PURG: variants seen among roughly 807,000 people sequenced by gnomAD.
PURG encodes purine-rich element-binding protein gamma.
A neutral mutation model predicts 24.3 loss-of-function variants in PURG; 3 were observed. The ratio of observed to expected loss-of-function variants is 0.12; its 90% confidence interval spans 0.06 to 0.32. PURG has a LOEUF of 0.32. PURG is among the 10% of genes least tolerant of loss of function. The probability of loss-of-function intolerance (pLI) is 1.00; values close to 1 mark genes in which losing one functional copy is unlikely to be tolerated. For synonymous variants in PURG, 180 were observed against 173.1 expected (o/e 1.04, Z -0.31); for missense variants, 371 against 439.1 (o/e 0.84, Z 1.39).
At chr8:30,999,436 G>GA (rs1392354624) in intron 1 of PURG, among the ~76,000 whole-genome samples, 2 of 151,976 alleles carry the variant, frequency 1.3e-5, no homozygotes, top group South Asian at 4.1e-4. Flanking sequence ...AATTAGGATA[G>GA]AGGAGGAAAG....
chr8:31,007,128 G>C (rs1250731854), intron 1 of PURG, among the ~76,000 whole-genome samples: 2 of 152,124 alleles, frequency 1.3e-5, no homozygotes, highest in Non-Finnish European at 2.9e-5. Context: ...ACAATAAAAA[G>C]TTTTGGGATC....
chr8:30,999,459 G>A (rs766428285), intron 1 of PURG, among the ~76,000 whole-genome samples: 28 of 151,832 alleles, frequency 1.8e-4, no homozygotes, highest in Non-Finnish European at 2.4e-4. Flanking sequence ...AAAACTCATT[G>A]CAAAGAATAG....
chr8:31,016,581 C>CAAAAAAAAAACAAAA (rs1810871819), intron 1 of PURG, among the ~76,000 whole-genome samples: 1 of 57,532 alleles, frequency 1.7e-5, no homozygotes, highest in Non-Finnish European at 3.0e-5. Flanking sequence ...TACCAAGAAC[C>CAAAAAAAAAACAAAA]AAAAAAAAAA....
rs1050709405 is a variant in PURG, at chr8:30,998,005, A to G, written c.865-1308T>C. On this transcript the variant is annotated intron_variant, in intron 1 of 1. Coordinates refer to the PURG transcript ENST00000339382. Reference sequence around the variant, plus strand: ...ACTAAAAAATCTCAACTAAAACAAAATTGAATTATAATGGACTGGCTTAAT... The same window carrying G: ...ACTAAAAAATCTCAACTAAAACAAAGTTGAATTATAATGGACTGGCTTAAT... 2.6e-5 allele frequency among the ~76,000 whole-genome samples: 4 copies of G among 151,826 alleles called. 1 individual carries two copies. The highest frequency in any genetic ancestry group is 1.3e-4 in the Admixed American group (2 of 15,232).
chr8:31,018,702 G>C (rs142449121), intron 1 of PURG, among the ~76,000 whole-genome samples: 1 of 152,098 alleles, frequency 6.6e-6, no homozygotes, highest in Non-Finnish European at 1.5e-5. Context: ...GTGTTCTGGA[G>C]TGCTAATCAT....
At chr8:31,018,898 C>T (rs906893483) in intron 1 of PURG, among the ~76,000 whole-genome samples, 27 of 151,114 alleles carry the variant, frequency 1.8e-4, no homozygotes, top group Non-Finnish European at 2.9e-4. Flanking sequence ...GAGGCTGAGG[C>T]GGGCGGATCA....
chr8:31,006,121 G>A (rs140812572), intron 1 of PURG, among the ~76,000 whole-genome samples: 108 of 152,194 alleles, frequency 7.1e-4, no homozygotes, highest in African/African-American at 2.6e-3. Context: ...CTTTAAAGAG[G>A]TTACATTCAG....
chr8:31,007,478 C>T (rs983979634), intron 1 of PURG, among the ~76,000 whole-genome samples: 4 of 152,026 alleles, frequency 2.6e-5, no homozygotes, highest in African/African-American at 7.2e-5. Flanking sequence ...GAAAACTCTT[C>T]GAGTTGAAGG....
intron 1 of PURG, among the ~76,000 whole-genome samples, chr8:31,003,676 C>T (rs62506068): frequency 0.017 from 2,625 of 152,110 alleles, 46 homozygotes; most frequent in Middle Eastern, 0.027. Context: ...GCAAAAGAAT[C>T]GCTTGAACCT....
Position 31,018,508 on chromosome 8 carries a change from C to T in PURG, c.864+13411G>A, listed in dbSNP as rs1810916787. 2.0e-5 allele frequency among the ~76,000 whole-genome samples: 3 copies of T among 152,282 alleles called. No homozygotes were observed. The South Asian group carries it at 6.2e-4, about 32-fold the overall frequency. ...TACTATAAATTTATTCTGCCTGAAG[C>T]CTACTCAAAGTATAATTCTAACACT... On this transcript the variant is annotated intron_variant, in intron 1 of 1. Coordinates refer to the PURG transcript ENST00000339382.
intron 1 of PURG, among the ~76,000 whole-genome samples, chr8:31,014,007 A>AT (rs1221504443): frequency 1.3e-5 from 2 of 152,142 alleles, no homozygotes; most frequent in Admixed American, 6.5e-5. Context: ...CTCAAGGAGT[A>AT]TTTTTTCTCC....
chr8:31,014,024 AT>A (rs1451845961), intron 1 of PURG, among the ~76,000 whole-genome samples: 1 of 152,222 alleles, frequency 6.6e-6, no homozygotes, highest in Non-Finnish European at 1.5e-5. Context: ...CTCCCAGAAA[AT>A]ATTTCTAATT....
chr8:31,008,804 G>T (rs1810705985), intron 1 of PURG, among the ~76,000 whole-genome samples: 1 of 152,108 alleles, frequency 6.6e-6, no homozygotes, highest in African/African-American at 2.4e-5. Context: ...CACAATAAAT[G>T]ACAGAATTTG....
At chr8:31,001,833 C>T (rs1679980508) in intron 1 of PURG, among the ~76,000 whole-genome samples, 1 of 152,068 alleles carries the variant, frequency 6.6e-6, no homozygotes, top group Non-Finnish European at 1.5e-5. Context: ...ACTCTTGAAT[C>T]GGGTAGTATT....
chr8:31,026,661 T>C (rs1340264900), downstream of PURG, among the ~76,000 whole-genome samples: 1 of 144,508 alleles, frequency 6.9e-6, no homozygotes, highest in African/African-American at 2.5e-5. Flanking sequence ...TATATATATA[T>C]ACATACACAT....
chr8:31,024,457 G>T lies in PURG; in HGVS notation c.864+7462C>A, dbSNP rs183640460. On this transcript the variant is annotated intron_variant, in intron 1 of 1. Transcript: ENST00000339382. ...TCAGGCCGCACCTTGGCAGAATTACGTCTTATTATTCTTTCTCAAATGCTC... is the reference window on the plus strand; with the variant it reads ...TCAGGCCGCACCTTGGCAGAATTACTTCTTATTATTCTTTCTCAAATGCTC... Among the ~76,000 whole-genome samples, 11 of 152,208 alleles carry T rather than the reference G, an allele frequency of 7.2e-5. No homozygotes were observed. The East Asian group carries it at 1.2e-3, about 16-fold the overall frequency.
Position 30,997,172 on chromosome 8 carries a change from T to C in PURG, c.865-475A>G, listed in dbSNP as rs562655376. Reference sequence around the variant, plus strand: ...TATATGGTAAGTTTACAATTCACCATTTCTATATTTGTAATACATGCGTTT... The same window carrying C: ...TATATGGTAAGTTTACAATTCACCACTTCTATATTTGTAATACATGCGTTT... On this transcript the variant is annotated intron_variant, in intron 1 of 1. Transcript: ENST00000339382. 1.3e-3 allele frequency among the ~76,000 whole-genome samples: 204 copies of C among 151,962 alleles called. 1 individual carries two copies. The highest frequency in any genetic ancestry group is 6.6e-3 in the South Asian group (32 of 4,826).
intron 1 of PURG, among the ~76,000 whole-genome samples, chr8:31,024,828 CCA>C (rs1197850145): frequency 1.3e-5 from 2 of 151,752 alleles, no homozygotes; most frequent in African/African-American, 4.8e-5. Context: ...CTTTTTTTCC[CCA>C]GTCTTACACT....
At chr8:31,002,943 T>C (rs762959387) in intron 1 of PURG, among the ~76,000 whole-genome samples, 11 of 152,212 alleles carry the variant, frequency 7.2e-5, no homozygotes, top group Non-Finnish European at 1.2e-4. Flanking sequence ...GTTTAGAGAC[T>C]TCAATTCATA....
Sources: gnomAD v4.1 joint callset for allele counts (sites outside exome capture counted in the v4.1 genomes callset) on GRCh38, gnomAD v4.1.1 for gene constraint, MANE v1.5 for transcripts, NCBI Gene and HGNC (gene_info 2026-07-23, HGNC 2026-07-21) for gene names.